ZBTB20: variants seen among roughly 807,000 people sequenced by gnomAD.
The protein encoded by ZBTB20 is zinc finger and BTB domain-containing protein 20.
Under a neutral mutation model 56.9 loss-of-function variants are expected in ZBTB20, and 9 were observed. The ratio of observed to expected loss-of-function variants is 0.16; its 90% CI spans 0.10 to 0.28. The LOEUF is 0.28. Ranked by LOEUF, ZBTB20 falls within the 10% of genes least tolerant of loss-of-function variation. The pLI is 1.00. For synonymous variants in ZBTB20, 417 were observed against 420.7 expected (o/e 0.99, Z 0.11); for missense variants, 655 against 1,003.0 (o/e 0.65, Z 4.69).
At chr3:114,516,299 C>G (rs1357283757) in intron 6 of ZBTB20, among the ~76,000 whole-genome samples, 1 of 152,190 alleles carries the variant, frequency 6.6e-6, no homozygotes, top group Non-Finnish European at 1.5e-5. Flanking sequence ...TGACACCACA[C>G]TACTCAGCAT....
At chr3:114,760,423 A>T (rs2068352157) in intron 5 of ZBTB20, among the ~76,000 whole-genome samples, 1 of 152,182 alleles carries the variant, frequency 6.6e-6, no homozygotes, top group Non-Finnish European at 1.5e-5. Flanking sequence ...CCTAGAAGTG[A>T]TGCATCAACT....
rs532421238 is a variant in ZBTB20, at chr3:114,877,676, G to A, written c.-417+22628C>T. On this transcript the variant is annotated intron_variant, in intron 4 of 11. Transcript: ENST00000675478. ...AGCACAAAAGAAAGGTCAGGAAGACGTAAGTCTTTTAAAAATCTATTTTAA... is the reference window on the plus strand; with the variant it reads ...AGCACAAAAGAAAGGTCAGGAAGACATAAGTCTTTTAAAAATCTATTTTAA... Among the ~76,000 whole-genome samples, 7 of 152,262 alleles carry A rather than the reference G, an allele frequency of 4.6e-5. No individual in the cohort carries two copies. The East Asian group carries it at 1.2e-3, about 25-fold the overall frequency.
rs2079207451 is a variant in ZBTB20 at position 114,330,409 on chromosome 3, A to T, written c.*8596T>A. The T allele has an allele frequency of 6.6e-6, 1 of 152,240 alleles. No individual in the cohort carries two copies. Among genetic ancestry groups the T allele is most frequent in the Admixed American group, 6.5e-5 (1 of 15,286 alleles). The allele number at this position is 152,240 out of a possible 1,614,324, so 9.4% of individuals were successfully genotyped here. ...ATATATTTCAATATAGAGTTGTTAT[A>T]TATAATGTGTATGTCCTAGGTTTCA... is the stretch of plus-strand genomic sequence containing the variant. On this transcript the variant is annotated 3_prime_UTR_variant, in exon 12 of 12. Coordinates refer to ENST00000675478, the MANE Select transcript of ZBTB20 (RefSeq NM_001348800.3).
At chr3:114,406,938 T>C (rs1174626939) in intron 7 of ZBTB20, among the ~76,000 whole-genome samples, 1 of 152,176 alleles carries the variant, frequency 6.6e-6, no homozygotes, top group African/African-American at 2.4e-5. Context: ...CACAGTATGT[T>C]GATGTAATTT....
At chr3:114,398,465 G>A (rs1372741781) in intron 7 of ZBTB20, among the ~76,000 whole-genome samples, 1 of 152,086 alleles carries the variant, frequency 6.6e-6, no homozygotes, top group Non-Finnish European at 1.5e-5. Flanking sequence ...ACAATATTGG[G>A]AAGAAACACT....
intron 1 of ZBTB20, among the ~76,000 whole-genome samples, chr3:115,082,051 A>T (rs959164209): frequency 1.4e-4 from 22 of 152,346 alleles, no homozygotes; most frequent in South Asian, 1.0e-3. Flanking sequence ...GCACATTGGC[A>T]AAAGACATCA....
chr3:114,897,573 C>G lies in ZBTB20; in HGVS notation c.-417+2731G>C, dbSNP rs79475028. Among the ~76,000 whole-genome samples, 1,096 of 152,186 alleles carry G rather than the reference C, an allele frequency of 7.2e-3. 16 individuals carry two copies. The highest frequency in any genetic ancestry group is 0.025 in the African/African-American group (1,021 of 41,558). The stretch of plus-strand genomic sequence containing the variant: ...TTCCTGACACAGGACCCTCAAAAAG[C>G]TGCTAATATCTGTCTAGTTTAATGA... On this transcript the variant is annotated intron_variant, in intron 4 of 11. Transcript: ENST00000675478.
At chr3:114,545,685 G>A (rs1260244128) in intron 6 of ZBTB20, among the ~76,000 whole-genome samples, 1 of 152,142 alleles carries the variant, frequency 6.6e-6, no homozygotes, top group Non-Finnish European at 1.5e-5. Flanking sequence ...GGAGGAGGGG[G>A]TCTTCACAGT....
chr3:115,089,655 G>A (rs901332513), intron 1 of ZBTB20, among the ~76,000 whole-genome samples: 5 of 151,756 alleles, frequency 3.3e-5, no homozygotes, highest in African/African-American at 1.2e-4. Context: ...ACTAAATCTT[G>A]GCTTTGACTC....
intron 6 of ZBTB20, among the ~76,000 whole-genome samples, chr3:114,632,564 T>A (rs889933098): frequency 6.6e-6 from 1 of 152,216 alleles, no homozygotes; most frequent in Admixed American, 6.5e-5. Flanking sequence ...GGTCTGCATT[T>A]GATTACAGCA....
At position 114,350,561 on chromosome 3, in the gene ZBTB20, G is replaced by C; in HGVS notation, c.1517C>G (p.Thr506Ser). 1 of 1,614,174 alleles carries C rather than the reference G, an allele frequency of 6.2e-7. No homozygotes were observed. Among genetic ancestry groups the C allele is most frequent in the Non-Finnish European group, 8.5e-7 (1 of 1,180,016 alleles). Residue 506 changes from threonine (T) to serine (S), a missense_variant, in exon 11 of 12, where the codon ACC becomes AGC. Coordinates refer to ENST00000675478, the MANE Select transcript of ZBTB20 (RefSeq NM_001348800.3). ...GGTAGTGAAGAGGGCTGGCAGGTAG[G>C]TGTTGCCAGCTGTGCCAATGACCTG... The part of the protein sequence containing the change: ...NTQVIGTAGN[T>S]YLPALFTTQP...
intron 2 of ZBTB20, among the ~76,000 whole-genome samples, chr3:115,042,456 C>G (rs1268046976): frequency 6.6e-6 from 1 of 152,130 alleles, no homozygotes; most frequent in East Asian, 1.9e-4. Context: ...GAATAGAGCT[C>G]ATTTTAAAAC....
intron 2 of ZBTB20, among the ~76,000 whole-genome samples, chr3:115,055,359 A>T (rs1475654338): frequency 6.6e-6 from 1 of 152,022 alleles, no homozygotes; most frequent in Non-Finnish European, 1.5e-5. Flanking sequence ...TTGGAAACAG[A>T]TTATTCTTTA....
chr3:114,932,061 T>G (rs192375581), intron 3 of ZBTB20, among the ~76,000 whole-genome samples: 1 of 152,308 alleles, frequency 6.6e-6, no homozygotes, highest in East Asian at 1.9e-4. Context: ...AAGTCCTAGA[T>G]TTTAAAAGTA....
At chr3:114,360,434 T>C (rs1214013205) in intron 10 of ZBTB20, among the ~76,000 whole-genome samples, 1 of 150,518 alleles carries the variant, frequency 6.6e-6, no homozygotes, top group Admixed American at 6.7e-5. Flanking sequence ...AACCTCTGCC[T>C]CCTGGGTTCA....
chr3:114,870,241 T>C (rs80130182), intron 4 of ZBTB20, among the ~76,000 whole-genome samples: 3,637 of 152,166 alleles, frequency 0.024, 52 homozygotes, highest in South Asian at 0.051. Context: ...AATAATAATG[T>C]CTGAAAAGTA....
At chr3:114,651,044 C>T (rs1032431601) in intron 6 of ZBTB20, among the ~76,000 whole-genome samples, 1 of 151,982 alleles carries the variant, frequency 6.6e-6, no homozygotes, top group African/African-American at 2.4e-5. Flanking sequence ...AAAAGCATAC[C>T]ACATGACTTG....
chr3:114,392,545 A>C (rs1432649217), intron 7 of ZBTB20, among the ~76,000 whole-genome samples: 3 of 152,216 alleles, frequency 2.0e-5, no homozygotes, highest in African/African-American at 7.2e-5. Context: ...CTTGGTGAAA[A>C]CATGCAGTAA....
At chr3:114,516,034 A>G (rs1355947408) in intron 6 of ZBTB20, among the ~76,000 whole-genome samples, 1 of 150,044 alleles carries the variant, frequency 6.7e-6, no homozygotes, top group Non-Finnish European at 1.5e-5. Flanking sequence ...CAAAGTCACC[A>G]AACACTTCTG....
Sources: gnomAD v4.1 joint callset for allele counts (sites outside exome capture counted in the v4.1 genomes callset) on GRCh38, gnomAD v4.1.1 for gene constraint, MANE v1.5 for transcripts, NCBI Gene and HGNC (gene_info 2026-07-23, HGNC 2026-07-21) for gene names.